The following PRKG1 variants were observed in gnomAD, a reference collection of about 807,000 sequenced individuals.
PRKG1 encodes cGMP-dependent protein kinase 1.
Under a neutral mutation model 88.1 loss-of-function variants are expected in PRKG1, and 35 were observed. The observed-to-expected ratio is 0.40, with a 90% CI of 0.30 to 0.53. The LOEUF (loss-of-function observed/expected upper bound fraction) is 0.53, where lower values mean the gene tolerates loss of function less well. Among genes scored for constraint, PRKG1 ranks in the 20% least tolerant of loss-of-function variants. PRKG1 has a pLI of 0.59. For missense variants in PRKG1, 540 were observed against 839.8 expected, an observed-to-expected ratio of 0.64 and a Z score of 4.41; for synonymous variants, 303 against 292.5, an observed-to-expected ratio of 1.04 and a Z score of -0.37.
intron 5 of PRKG1, among the ~76,000 whole-genome samples, chr10:51,931,624 A>C (rs1411991560): frequency 6.6e-6 from 1 of 152,176 alleles, no homozygotes; most frequent in Non-Finnish European, 1.5e-5. Flanking sequence ...ATGTATTTCC[A>C]TCATGTGGGT....
rs539363017 is a variant in PRKG1 at position 51,586,223 on chromosome 10, T to G, written c.592+118387T>G. On this transcript the variant is annotated intron_variant, in intron 3 of 17. Coordinates refer to ENST00000373980, the MANE Select transcript of PRKG1 (RefSeq NM_006258.4). Reference sequence around the variant, plus strand: ...AATCCAAGACAGGAAAACATTCATCTTTAATTTGTTCAGCTATAGGGAGCC... The same window carrying G: ...AATCCAAGACAGGAAAACATTCATCGTTAATTTGTTCAGCTATAGGGAGCC... 3.3e-5 allele frequency among the ~76,000 whole-genome samples: 5 copies of G among 152,282 alleles called. No individual in the cohort carries two copies. The East Asian group carries it at 9.6e-4, about 29-fold the overall frequency.
At chr10:51,705,163 CTCT>C (rs1841575708) in intron 3 of PRKG1, among the ~76,000 whole-genome samples, 1 of 151,532 alleles carries the variant, frequency 6.6e-6, no homozygotes. Context: ...TCCTTTTTTC[CTCT>C]TCTTCTCTTC....
chr10:51,481,431 TA>T (rs1408876358), intron 3 of PRKG1, among the ~76,000 whole-genome samples: 1 of 152,022 alleles, frequency 6.6e-6, no homozygotes, highest in Non-Finnish European at 1.5e-5. Flanking sequence ...TATTTTTTTG[TA>T]AAGACAAGGT....
chr10:51,587,678 C>T (rs547573987), intron 3 of PRKG1, among the ~76,000 whole-genome samples: 1 of 152,102 alleles, frequency 6.6e-6, no homozygotes, highest in East Asian at 1.9e-4. Flanking sequence ...CATTTAAATA[C>T]CAATCCATTG....
chr10:51,948,108 A>G (rs1843096329), intron 5 of PRKG1, among the ~76,000 whole-genome samples: 1 of 152,108 alleles, frequency 6.6e-6, no homozygotes, highest in African/African-American at 2.4e-5. Context: ...ATTTATGACA[A>G]CATTTCTCAA....
intron 3 of PRKG1, among the ~76,000 whole-genome samples, chr10:51,773,856 A>C (rs906135469): frequency 3.3e-5 from 5 of 152,068 alleles, no homozygotes; most frequent in Admixed American, 1.3e-4. Flanking sequence ...ATGCAGAGCT[A>C]GATCTGATTC....
intron 3 of PRKG1, among the ~76,000 whole-genome samples, chr10:51,508,848 G>A (rs182783472): frequency 5.9e-5 from 9 of 152,244 alleles, no homozygotes; most frequent in Admixed American, 3.3e-4. Flanking sequence ...AATAGAAGGG[G>A]GAAATGAGTT....
chr10:51,783,407 T>C (rs1838646205), intron 3 of PRKG1, among the ~76,000 whole-genome samples: 1 of 151,978 alleles, frequency 6.6e-6, no homozygotes, highest in Admixed American at 6.6e-5. Flanking sequence ...GCCTCATGAG[T>C]AGCTGGGATT....
chr10:52,080,445 C>T (rs900251877), intron 7 of PRKG1, among the ~76,000 whole-genome samples: 9 of 151,968 alleles, frequency 5.9e-5, no homozygotes, highest in Admixed American at 6.5e-5. Context: ...TTACATTTTT[C>T]AATGCAAAAA....
chr10:51,940,521 G>A (rs1272051490), intron 5 of PRKG1, among the ~76,000 whole-genome samples: 2 of 151,776 alleles, frequency 1.3e-5, no homozygotes, highest in Non-Finnish European at 2.9e-5. Context: ...TACCTATGAT[G>A]GCTATACTGG....
At chr10:51,400,916 T>C (rs1837721257) in intron 2 of PRKG1, among the ~76,000 whole-genome samples, 1 of 152,166 alleles carries the variant, frequency 6.6e-6, no homozygotes, top group Non-Finnish European at 1.5e-5. Context: ...ACTAAGATGG[T>C]CAATGGACCA....
intron 2 of PRKG1, among the ~76,000 whole-genome samples, chr10:51,177,287 A>G (rs917663591): frequency 4.6e-5 from 7 of 152,246 alleles, no homozygotes; most frequent in African/African-American, 1.7e-4. Flanking sequence ...GGTTTGAATC[A>G]CTGAGCAAAA....
chr10:51,539,397 G>A (rs1842242609), intron 3 of PRKG1, among the ~76,000 whole-genome samples: 1 of 152,176 alleles, frequency 6.6e-6, no homozygotes, highest in African/African-American at 2.4e-5. Flanking sequence ...AACAAGATAT[G>A]TAAGTTATCC....
chr10:51,092,166 TGA>T (rs368042664), intron 1 of PRKG1, among the ~76,000 whole-genome samples: 9 of 152,012 alleles, frequency 5.9e-5, no homozygotes, highest in Admixed American at 1.3e-4. Flanking sequence ...GTTTGTGAAA[TGA>T]GAGAGGCAAA....
chr10:51,919,078 T>C (rs532279511), intron 5 of PRKG1, among the ~76,000 whole-genome samples: 1 of 152,276 alleles, frequency 6.6e-6, no homozygotes, highest in Admixed American at 6.5e-5. Flanking sequence ...GGAGATAATG[T>C]GGGTATTCAG....
intron 2 of PRKG1, among the ~76,000 whole-genome samples, chr10:51,400,915 G>T (rs924936639): frequency 6.6e-6 from 1 of 152,180 alleles, no homozygotes; most frequent in African/African-American, 2.4e-5. Context: ...TACTAAGATG[G>T]TCAATGGACC....
chr10:52,184,537 T>A (rs527571506), intron 9 of PRKG1, among the ~76,000 whole-genome samples: 6 of 152,358 alleles, frequency 3.9e-5, no homozygotes, highest in Admixed American at 2.6e-4. Flanking sequence ...ATCTTAGCAA[T>A]GTTACAGCTA....
chr10:51,554,333 T>C (rs1837249891), intron 3 of PRKG1, among the ~76,000 whole-genome samples: 1 of 80,426 alleles, frequency 1.2e-5, no homozygotes, highest in African/African-American at 3.2e-5. Flanking sequence ...TATACACACA[T>C]ATATTATATA....
intron 7 of PRKG1, among the ~76,000 whole-genome samples, chr10:52,094,399 G>A (rs1490542664): frequency 2.0e-5 from 3 of 151,636 alleles, no homozygotes; most frequent in Non-Finnish European, 2.9e-5. Context: ...ACATTAATTT[G>A]TACTCATATC....
Sources: gnomAD v4.1 joint callset for allele counts (sites outside exome capture counted in the v4.1 genomes callset) on GRCh38, gnomAD v4.1.1 for gene constraint, MANE v1.5 for transcripts, NCBI Gene and HGNC (gene_info 2026-07-23, HGNC 2026-07-21) for gene names.